P2RY6: variants seen among roughly 807,000 people sequenced by gnomAD.
P2RY6 encodes P2Y purinoceptor 6.
P2RY6 carries 19 observed loss-of-function variants against 16.3 expected under a neutral mutation model. The observed-to-expected ratio is 1.16, with a 90% confidence interval of 0.81 to 1.71. P2RY6 has a LOEUF of 1.71. P2RY6 is among the 40% of genes most tolerant of loss of function. The probability of loss-of-function intolerance (pLI) is 0.00; values close to 1 mark genes in which losing one functional copy is unlikely to be tolerated. For missense variants in P2RY6, 389 were observed against 455.5 expected (o/e 0.85, Z 1.33); for synonymous variants, 184 against 201.5 (o/e 0.91, Z 0.74).
chr11:73,286,265 G>C (rs1397073754), intron 1 of P2RY6, among the ~76,000 whole-genome samples: 1 of 152,202 alleles, frequency 6.6e-6, no homozygotes, highest in Non-Finnish European at 1.5e-5. Flanking sequence ...GAAGAGCTAG[G>C]GATGATCAGA....
intron 1 of P2RY6, among the ~76,000 whole-genome samples, chr11:73,292,357 T>C (rs976385396): frequency 6.6e-6 from 1 of 151,844 alleles, no homozygotes; most frequent in Non-Finnish European, 1.5e-5. Flanking sequence ...GAGGGATGGG[T>C]AGATGGACAT....
At chr11:73,293,933 C>G (rs1280873590) in intron 1 of P2RY6, among the ~76,000 whole-genome samples, 1 of 151,968 alleles carries the variant, frequency 6.6e-6, no homozygotes, top group Admixed American at 6.6e-5. Flanking sequence ...TCACCACAAC[C>G]CTCTTCCCTT....
upstream of P2RY6, among the ~76,000 whole-genome samples, chr11:73,267,883 G>C (rs1863157854): frequency 6.6e-6 from 1 of 152,204 alleles, no homozygotes; most frequent in Admixed American, 6.5e-5. Context: ...AGCTTCTCTG[G>C]GAGGGGCAAA....
intron 1 of P2RY6, among the ~76,000 whole-genome samples, chr11:73,281,197 C>T (rs1256970084): frequency 6.6e-6 from 1 of 152,164 alleles, no homozygotes; most frequent in Non-Finnish European, 1.5e-5. Context: ...CTCTAAATGG[C>T]CAGTAACTAT....
chr11:73,276,032 G>A (rs766217006), intron 1 of P2RY6, among the ~76,000 whole-genome samples: 2 of 152,190 alleles, frequency 1.3e-5, no homozygotes, highest in Non-Finnish European at 2.9e-5. Context: ...ATCTGTCCCC[G>A]AAACTCATGA....
intron 1 of P2RY6, among the ~76,000 whole-genome samples, chr11:73,273,981 A>G (rs886625819): frequency 6.6e-6 from 1 of 152,188 alleles, no homozygotes; most frequent in African/African-American, 2.4e-5. Context: ...GACTACAGGC[A>G]TGTATCACAA....
At chr11:73,275,313 C>T (rs919039672) in intron 1 of P2RY6, among the ~76,000 whole-genome samples, 1 of 152,166 alleles carries the variant, frequency 6.6e-6, no homozygotes, top group Non-Finnish European at 1.5e-5. Flanking sequence ...TACCAGGAGG[C>T]AGATCTCAAC....
At chr11:73,294,399 G>A (rs537511702) in intron 1 of P2RY6, among the ~76,000 whole-genome samples, 1 of 152,348 alleles carries the variant, frequency 6.6e-6, no homozygotes, top group Admixed American at 6.5e-5. Flanking sequence ...GTGAAAACAA[G>A]AGAATGAACA....
intron 1 of P2RY6, among the ~76,000 whole-genome samples, chr11:73,275,067 A>G (rs1370401074): frequency 6.6e-6 from 1 of 152,208 alleles, no homozygotes; most frequent in Non-Finnish European, 1.5e-5. Context: ...AGCAAGACGC[A>G]GTCATTTGGT....
In P2RY6 at chr11:73,298,281, C is replaced by A. The variant is rs1020017536; in HGVS notation, c.*776C>A. On this transcript the variant is annotated 3_prime_UTR_variant, in exon 3 of 3. Coordinates refer to ENST00000540124, the MANE Select transcript of P2RY6 (RefSeq NM_001277204.2). ...ATGCTCCATGCATATCCAGCTGGGC[C>A]AGCCTCGTGCTGGGCTCTGCCCTGG... 1.2e-5 allele frequency: 2 copies of A among 167,198 alleles called. No homozygotes were observed. Among genetic ancestry groups the A allele is most frequent in the Non-Finnish European group, 2.9e-5 (2 of 68,176 alleles). The allele number at this position is 167,198 out of a possible 1,614,324, so 10.4% of individuals were successfully genotyped here.
In P2RY6 at chr11:73,297,039, G is replaced by A. The variant is rs780427456; in HGVS notation, c.521G>A (p.Arg174His). Residue 174 changes from arginine to histidine, a missense_variant, in exon 3 of 3, where the codon CGC (arginine) becomes CAC (histidine). Transcript: ENST00000540124. ...GCTGCCACAGGCATCCAGCGTAACC[G>A]CACTGTCTGCTATGACCTCAGCCCG... is the stretch of plus-strand genomic sequence containing the variant. ...IFAATGIQRN[R>H]TVCYDLSPPA... The A allele has an allele frequency of 7.5e-6, 12 of 1,600,638 alleles. No individual in the cohort carries two copies. The highest frequency in any genetic ancestry group is 6.6e-5 in the South Asian group (6 of 91,088).
chr11:73,290,791 G>A (rs974591884), intron 1 of P2RY6, among the ~76,000 whole-genome samples: 7 of 152,146 alleles, frequency 4.6e-5, no homozygotes, highest in African/African-American at 9.7e-5. Flanking sequence ...GTTCCCTCCC[G>A]GGCCCTGCCC....
At chr11:73,296,372 G>A in intron 2 of P2RY6, 113 bp from the exon 3 acceptor site, 1 of 930,908 alleles carries the variant, frequency 1.1e-6, no homozygotes, top group East Asian at 2.5e-5. Context: ...TAGCCGAGTT[G>A]ACAAAGTTAG....
chr11:73,269,679 C>T (rs758473805), upstream of P2RY6, among the ~76,000 whole-genome samples: 2 of 152,192 alleles, frequency 1.3e-5, no homozygotes, highest in African/African-American at 4.8e-5. Flanking sequence ...TGAATGCATG[C>T]GCATCTTCCA....
At chr11:73,290,847 T>A (rs1235806571) in intron 1 of P2RY6, among the ~76,000 whole-genome samples, 1 of 152,202 alleles carries the variant, frequency 6.6e-6, no homozygotes, top group Non-Finnish European at 1.5e-5. Context: ...TAAGGCCCGG[T>A]GAGAGCAAGG....
At chr11:73,269,346 G>A (rs560854717), upstream of P2RY6, among the ~76,000 whole-genome samples, 27 of 152,242 alleles carry the variant, frequency 1.8e-4, no homozygotes, top group Non-Finnish European at 2.5e-4. Flanking sequence ...GAGAGCCTGC[G>A]CCTGAAAGTT....
chr11:73,264,735 C>G (rs1190833915), intron 1 of P2RY6: 4 of 152,452 alleles, frequency 2.6e-5, no homozygotes, highest in Non-Finnish European at 5.9e-5. Context: ...GGGTCGCGGC[C>G]AGTCAGGGCG....
chr11:73,267,022 G>A (rs1452422646), intron 1 of P2RY6, among the ~76,000 whole-genome samples: 1 of 152,132 alleles, frequency 6.6e-6, no homozygotes, highest in African/African-American at 2.4e-5. Flanking sequence ...CCCAATTCTG[G>A]CTATAATTGT....
chr11:73,271,130 G>A (rs1272594069), upstream of P2RY6, among the ~76,000 whole-genome samples: 4 of 152,188 alleles, frequency 2.6e-5, no homozygotes, highest in Admixed American at 2.6e-4. Flanking sequence ...GGAGGAGGAG[G>A]AAGCAGGAGA....
Sources: allele counts gnomAD v4.1 joint callset (sites outside exome capture counted in the v4.1 genomes callset), GRCh38; gene constraint gnomAD v4.1.1; transcripts MANE v1.5; gene names NCBI Gene and HGNC (gene_info 2026-07-23, HGNC 2026-07-21).